CTIF: variants seen among roughly 807,000 people sequenced by gnomAD.
CTIF encodes CBP80/20-dependent translation initiation factor.
CTIF carries 21 observed loss-of-function variants against 66.0 expected under a neutral mutation model. The observed-to-expected ratio is 0.32, with a 90% CI of 0.23 to 0.46. The LOEUF (loss-of-function observed/expected upper bound fraction) is 0.46, where lower values mean the gene tolerates loss of function less well. CTIF is among the 20% of genes least tolerant of loss of function. CTIF has a pLI of 1.00. For missense variants in CTIF, 739 were observed against 812.7 expected, an observed-to-expected ratio of 0.91 and a Z score of 1.10; for synonymous variants, 345 against 326.4, an observed-to-expected ratio of 1.06 and a Z score of -0.62.
intron 2 of CTIF, among the ~76,000 whole-genome samples, chr18:48,631,054 G>C (rs1207188286): frequency 6.6e-6 from 1 of 152,166 alleles, no homozygotes; most frequent in Non-Finnish European, 1.5e-5. Context: ...CACTGAAATG[G>C]GGGCCTGGTC....
intron 7 of CTIF, among the ~76,000 whole-genome samples, chr18:48,731,264 C>T (rs2092454873): frequency 6.6e-6 from 1 of 152,164 alleles, no homozygotes. Context: ...CTGCAGACCA[C>T]CAGGACCCCC....
chr18:48,704,588 C>T (rs2092126684), intron 6 of CTIF, among the ~76,000 whole-genome samples: 1 of 152,190 alleles, frequency 6.6e-6, no homozygotes, highest in South Asian at 2.1e-4. Context: ...CACACCCGCC[C>T]TAAGATGCTA....
chr18:48,725,697 G>C (rs1220955510), intron 7 of CTIF, among the ~76,000 whole-genome samples: 2 of 152,078 alleles, frequency 1.3e-5, no homozygotes, highest in South Asian at 4.1e-4. Flanking sequence ...ATTTTCACTT[G>C]AGCCTTCAGT....
intron 9 of CTIF, among the ~76,000 whole-genome samples, chr18:48,809,375 A>G (rs1010082055): frequency 8.5e-5 from 13 of 152,136 alleles, no homozygotes; most frequent in African/African-American, 2.9e-4. Flanking sequence ...AATCAAGCCT[A>G]TTGAAGTAAT....
intron 6 of CTIF, among the ~76,000 whole-genome samples, chr18:48,699,950 G>A (rs1042644964): frequency 6.6e-6 from 1 of 152,224 alleles, no homozygotes; most frequent in African/African-American, 2.4e-5. Flanking sequence ...CCAATTCCAC[G>A]TGAGCACACT....
Position 48,711,712 on chromosome 18 carries a change from C to T in CTIF, c.584+17C>T, listed in dbSNP as rs778086888. ...TGATCGAAGGTAGGAGAGACTTCGT[C>T]GTGAGCTTTGGGTTTTCCTTTCCTG... On this transcript the variant is annotated intron_variant, in intron 7 of 11. Transcript: ENST00000256413. 2.5e-5 allele frequency: 41 copies of T among 1,608,754 alleles called. No homozygotes were observed. The South Asian group carries it at 4.4e-4, about 17-fold the overall frequency.
At chr18:48,659,827 G>A (rs903310205) in intron 3 of CTIF, among the ~76,000 whole-genome samples, 3 of 152,362 alleles carry the variant, frequency 2.0e-5, no homozygotes, top group South Asian at 4.1e-4. Flanking sequence ...CTGAGCCACA[G>A]GGCGGGGGTG....
chr18:48,547,291 G>A (rs1240870960), intron 1 of CTIF, among the ~76,000 whole-genome samples: 1 of 152,182 alleles, frequency 6.6e-6, no homozygotes, highest in African/African-American at 2.4e-5. Context: ...TCTCCCTACT[G>A]CATACTCAGG....
At chr18:48,630,134 T>C (rs193082543) in intron 2 of CTIF, among the ~76,000 whole-genome samples, 3 of 152,326 alleles carry the variant, frequency 2.0e-5, no homozygotes, top group Non-Finnish European at 4.4e-5. Flanking sequence ...ATCATCCCTT[T>C]GTCCAGCGTT....
intron 1 of CTIF, among the ~76,000 whole-genome samples, chr18:48,603,536 TG>T (rs1161389280): frequency 7.0e-6 from 1 of 143,342 alleles, no homozygotes; most frequent in Non-Finnish European, 1.5e-5. Flanking sequence ...GATAGATGGA[TG>T]AATGTGTGGA....
chr18:48,604,798 T>G (rs1331666048), intron 1 of CTIF, among the ~76,000 whole-genome samples: 2 of 152,222 alleles, frequency 1.3e-5, no homozygotes, highest in Admixed American at 1.3e-4. Context: ...CCTTCCTGCC[T>G]CAGTTGTAAG....
At chr18:48,714,680 T>C (rs939137861) in intron 7 of CTIF, among the ~76,000 whole-genome samples, 1 of 152,244 alleles carries the variant, frequency 6.6e-6, no homozygotes, top group Non-Finnish European at 1.5e-5. Flanking sequence ...ACTGCTTTTA[T>C]TTTCCACTTG....
At chr18:48,672,119 A>T (rs299741) in intron 6 of CTIF, among the ~76,000 whole-genome samples, 82,657 of 147,774 alleles carry the variant, frequency 0.56, 24,239 homozygotes, top group East Asian at 0.87. Context: ...TACAATTCAC[A>T]TGGGTACCCT....
At chr18:48,820,242 A>G (rs1055836415) in intron 10 of CTIF, among the ~76,000 whole-genome samples, 1 of 152,068 alleles carries the variant, frequency 6.6e-6, no homozygotes, top group African/African-American at 2.4e-5. Flanking sequence ...GATCTCAACA[A>G]TCCTTGTGAA....
At chr18:48,623,373 A>T (rs1381257442) in intron 2 of CTIF, among the ~76,000 whole-genome samples, 2 of 152,126 alleles carry the variant, frequency 1.3e-5, no homozygotes, top group Non-Finnish European at 2.9e-5. Context: ...TGCCTCCCCG[A>T]TCCCCACAGT....
At chr18:48,834,867 G>A (rs1000149971) in intron 10 of CTIF, 1 of 152,768 alleles carries the variant, frequency 6.5e-6, no homozygotes, top group African/African-American at 2.4e-5. Context: ...CAGGGCTGCA[G>A]TGAGTCATTT....
chr18:48,845,723 C>T (rs769239137), intron 10 of CTIF, among the ~76,000 whole-genome samples: 11 of 152,162 alleles, frequency 7.2e-5, no homozygotes, highest in Admixed American at 7.2e-4. Context: ...GTATTTCTAA[C>T]ACTGAACTCA....
intron 1 of CTIF, among the ~76,000 whole-genome samples, chr18:48,581,722 T>A (rs1422143856): frequency 6.6e-6 from 1 of 152,092 alleles, no homozygotes; most frequent in Non-Finnish European, 1.5e-5. Flanking sequence ...CTAGCATGAG[T>A]ATCTGTCCTG....
chr18:48,642,295 G>T (rs2090948938), intron 3 of CTIF, among the ~76,000 whole-genome samples: 1 of 152,188 alleles, frequency 6.6e-6, no homozygotes, highest in South Asian at 2.1e-4. Flanking sequence ...AAGAACTGTG[G>T]TGATTCCAAA....
Sources: gnomAD v4.1 joint callset for allele counts (sites outside exome capture counted in the v4.1 genomes callset) on GRCh38, gnomAD v4.1.1 for gene constraint, MANE v1.5 for transcripts, NCBI Gene and HGNC (gene_info 2026-07-23, HGNC 2026-07-21) for gene names.